NTRK3: variants seen among roughly 807,000 people sequenced by gnomAD.
NTRK3 encodes the protein neurotrophic receptor tyrosine kinase 3, also known as NT-3 growth factor receptor.
Under a neutral mutation model 91.7 loss-of-function variants are expected in NTRK3, and 24 were observed. That is an observed-to-expected ratio of 0.26 (90% CI 0.19 to 0.37). The LOEUF (loss-of-function observed/expected upper bound fraction) is 0.37. Among genes scored for constraint, NTRK3 ranks in the 10% least tolerant of loss-of-function variants. NTRK3 has a pLI of 1.00. For missense variants in NTRK3, 880 were observed against 1,068.9 expected, an observed-to-expected ratio of 0.82 and a Z score of 2.46; for synonymous variants, 483 against 404.0, an observed-to-expected ratio of 1.20 and a Z score of -2.34.
At chr15:87,923,473 G>A (rs916033883) in intron 17 of NTRK3, among the ~76,000 whole-genome samples, 1 of 152,140 alleles carries the variant, frequency 6.6e-6, no homozygotes, top group Admixed American at 6.5e-5. Flanking sequence ...CCTGAATGAT[G>A]GTGTAGCAGA....
intron 13 of NTRK3, among the ~76,000 whole-genome samples, chr15:88,099,957 C>G (rs969717929): frequency 2.6e-5 from 4 of 152,112 alleles, no homozygotes; most frequent in African/African-American, 7.2e-5. Flanking sequence ...CCTTCTCTGG[C>G]CTTTTGAGGA....
chr15:88,098,441 C>G (rs1482149046), intron 13 of NTRK3: 1 of 194,688 alleles, frequency 5.1e-6, no homozygotes, highest in Non-Finnish European at 1.1e-5. Flanking sequence ...TTTCAAGCCA[C>G]TCGTGGAGCT....
intron 14 of NTRK3, among the ~76,000 whole-genome samples, chr15:87,984,669 G>C (rs984685294): frequency 2.0e-5 from 3 of 152,088 alleles, no homozygotes; most frequent in African/African-American, 4.8e-5. Flanking sequence ...TAACACAAAT[G>C]GTCTTTTTAA....
rs75881413 is a variant in NTRK3, at chr15:87,914,980, C to T, written c.2133+14211G>A. Reference sequence around the variant, plus strand: ...ACTATAATGGTGATAACAGCGGTGGCTATGGTGTTGGTGATGGTGTTGGTG... The same window carrying T: ...ACTATAATGGTGATAACAGCGGTGGTTATGGTGTTGGTGATGGTGTTGGTG... On this transcript the variant is annotated intron_variant, in intron 17 of 18. Transcript: ENST00000394480. 8.3e-3 allele frequency among the ~76,000 whole-genome samples: 1,261 copies of T among 152,056 alleles called. 14 individuals are homozygous for T. Among genetic ancestry groups the T allele is most frequent in the African/African-American group, 0.029 (1,210 of 41,478 alleles).
intron 17 of NTRK3, among the ~76,000 whole-genome samples, chr15:87,900,886 G>A (rs1340240731): frequency 6.6e-6 from 1 of 152,016 alleles, no homozygotes; most frequent in African/African-American, 2.4e-5. Context: ...TGACCTTTAG[G>A]GATCATCCAG....
At chr15:88,134,999 G>C in intron 10 of NTRK3, 102 bp downstream of exon 10, 1 of 1,361,526 alleles carries the variant, frequency 7.3e-7, no homozygotes, top group Admixed American at 1.7e-5. Flanking sequence ...CATGATAACA[G>C]TATGAGTACT....
chr15:88,131,343 A>G (rs565199574), intron 10 of NTRK3, among the ~76,000 whole-genome samples: 1 of 152,270 alleles, frequency 6.6e-6, no homozygotes, highest in East Asian at 1.9e-4. Context: ...TTCTCTAACT[A>G]CTTGTGGGGA....
At chr15:88,050,505 G>A (rs56971874) in intron 13 of NTRK3, among the ~76,000 whole-genome samples, 1 of 110,654 alleles carries the variant, frequency 9.0e-6, no homozygotes, top group South Asian at 2.5e-4. Context: ...GTGTGTGTGT[G>A]TGTGTGTGTG....
At chr15:88,199,591 CAG>C (rs2048119385) in intron 3 of NTRK3, among the ~76,000 whole-genome samples, 1 of 152,204 alleles carries the variant, frequency 6.6e-6, no homozygotes, top group East Asian at 1.9e-4. Context: ...TGGGGCAGGA[CAG>C]GGGAATGCAA....
chr15:88,214,846 G>A (rs1291778734), intron 3 of NTRK3, among the ~76,000 whole-genome samples: 2 of 152,172 alleles, frequency 1.3e-5, no homozygotes, highest in Non-Finnish European at 2.9e-5. Context: ...ACTAGGAGGT[G>A]AGCCCCTGAA....
At chr15:88,030,262 T>G (rs1364988441) in intron 14 of NTRK3, among the ~76,000 whole-genome samples, 1 of 152,186 alleles carries the variant, frequency 6.6e-6, no homozygotes, top group Non-Finnish European at 1.5e-5. Flanking sequence ...GAATAGCCAC[T>G]TTGAATCACA....
At chr15:87,885,236 C>T (rs556237223) in intron 17 of NTRK3, among the ~76,000 whole-genome samples, 1 of 151,918 alleles carries the variant, frequency 6.6e-6, no homozygotes, top group South Asian at 2.1e-4. Flanking sequence ...TAAATAAATG[C>T]ATTGAAAAAC....
intron 13 of NTRK3, among the ~76,000 whole-genome samples, chr15:88,050,369 C>G (rs2080704026): frequency 6.6e-6 from 1 of 152,116 alleles, no homozygotes. Flanking sequence ...GCCTAGGTAC[C>G]ATTCCCATCT....
intron 17 of NTRK3, chr15:87,927,020 T>C (rs2068368739): frequency 6.6e-6 from 1 of 152,176 alleles, no homozygotes. Flanking sequence ...CCAATGCCTC[T>C]CTTGGAAATG....
chr15:87,945,108 C>A (rs1355338540), intron 14 of NTRK3, among the ~76,000 whole-genome samples: 1 of 152,222 alleles, frequency 6.6e-6, no homozygotes, highest in Non-Finnish European at 1.5e-5. Context: ...ATGAATACCC[C>A]AGGCCGTGGG....
chr15:88,049,001 C>T (rs2080533954), intron 13 of NTRK3, among the ~76,000 whole-genome samples: 1 of 152,194 alleles, frequency 6.6e-6, no homozygotes, highest in South Asian at 2.1e-4. Flanking sequence ...AAATGAAATG[C>T]CAGCAGTGTC....
intron 17 of NTRK3, among the ~76,000 whole-genome samples, chr15:87,907,688 G>A (rs1431850416): frequency 2.0e-5 from 3 of 152,152 alleles, no homozygotes; most frequent in Non-Finnish European, 4.4e-5. Flanking sequence ...CTTTAAGGCT[G>A]AGTAGGTGAA....
chr15:88,067,653 G>T (rs117634515), intron 13 of NTRK3, among the ~76,000 whole-genome samples: 1,703 of 152,292 alleles, frequency 0.011, 17 homozygotes, highest in Middle Eastern at 0.02. Flanking sequence ...CTCTAGACCT[G>T]CCCTGGATGA....
exon 18 of NTRK3, chr15:87,880,327 G>A (rs2065174183): frequency 1.1e-5 from 18 of 1,613,718 alleles, no homozygotes; most frequent in Non-Finnish European, 1.5e-5. Flanking sequence ...TCTCCCAGAG[G>A]ATCACCCCGA....
Sources: gnomAD v4.1 joint callset for allele counts (sites outside exome capture counted in the v4.1 genomes callset) on GRCh38, gnomAD v4.1.1 for gene constraint, MANE v1.5 for transcripts, NCBI Gene and HGNC (gene_info 2026-07-23, HGNC 2026-07-21) for gene names.